NUFIP2: variants seen among roughly 807,000 people sequenced by gnomAD.
The protein encoded by NUFIP2 is FMR1-interacting protein NUFIP2.
A neutral mutation model predicts 56.9 loss-of-function variants in NUFIP2; 6 were observed. That is an observed-to-expected ratio of 0.11 (90% CI 0.06 to 0.21). NUFIP2 has a LOEUF of 0.21. NUFIP2 is among the 10% of genes least tolerant of loss of function. The pLI, the probability that NUFIP2 is intolerant of heterozygous loss-of-function variation, is 1.00. For synonymous variants in NUFIP2, 321 were observed against 298.2 expected (o/e 1.08, Z -0.79); for missense variants, 828 against 826.8 (o/e 1.00, Z -0.02).
intron 1 of NUFIP2, among the ~76,000 whole-genome samples, chr17:29,291,897 T>G (rs2069216036): frequency 6.6e-6 from 1 of 152,132 alleles, no homozygotes; most frequent in Non-Finnish European, 1.5e-5. Context: ...AATCTGACAT[T>G]CTAATTTCAG....
In NUFIP2 at chr17:29,286,550, G is replaced by C. The variant is rs1281213733; in HGVS notation, c.1444C>G (p.Leu482Val). ...FIYPSNMQTMLLSTAQVDLPS... is the reference protein window; with the variant it reads ...FIYPSNMQTMVLSTAQVDLPS... ...AGATCCACTTGTGCTGTGCTCAACAGCATAGTTTGCATATTTGAAGGATAG... is the reference window on the plus strand; with the variant it reads ...AGATCCACTTGTGCTGTGCTCAACACCATAGTTTGCATATTTGAAGGATAG... Residue 482 changes from leucine (L) to valine (V), a missense_variant, in exon 2 of 4, where the codon CTG becomes GTG. Transcript: ENST00000225388. 6.2e-7 allele frequency: 1 copy of C among 1,614,148 alleles called. No individual in the cohort carries two copies. The highest frequency in any genetic ancestry group is 1.6e-4 in the Middle Eastern group (1 of 6,062).
intron 2 of NUFIP2, among the ~76,000 whole-genome samples, chr17:29,273,964 G>C (rs1438141698): frequency 3.3e-5 from 5 of 151,858 alleles, no homozygotes; most frequent in Admixed American, 3.3e-4. Context: ...CTACTCACCA[G>C]CTCAGGGTAT....
At position 29,261,713 on chromosome 17, in the gene NUFIP2, T is replaced by G. The variant is rs1475055748; in HGVS notation, c.*2826A>C. 6.6e-6 allele frequency: 1 copy of G among 152,552 alleles called. No homozygotes were observed. Among genetic ancestry groups the G allele is most frequent in the African/African-American group, 2.4e-5 (1 of 41,424 alleles). 9.4% of individuals were successfully genotyped at this position (152,552 alleles called of 1,614,324 possible). On this transcript the variant is annotated 3_prime_UTR_variant, in exon 4 of 4. Transcript: ENST00000225388. The stretch of plus-strand genomic sequence containing the variant: ...AAAGATTGCAACAAATAGAGTTAAG[T>G]GTTACCAAACAGCACAAAGAGATTT...
In NUFIP2 at chr17:29,260,375, C is replaced by T. The variant is rs569426779; in HGVS notation, c.*4164G>A. The T allele has an allele frequency of 1.3e-5, 2 of 152,274 alleles. No individual in the cohort carries two copies. Among genetic ancestry groups the T allele is most frequent in the South Asian group, 4.2e-4 (2 of 4,818 alleles). 9.4% of individuals were successfully genotyped at this position (152,274 alleles called of 1,614,324 possible). A position where few individuals can be genotyped will look rare whatever the true frequency, so the allele number is the denominator to read the frequency against. On this transcript the variant is annotated 3_prime_UTR_variant, in exon 4 of 4. Coordinates refer to ENST00000225388, the MANE Select transcript of NUFIP2 (RefSeq NM_020772.3). ...GTTCTGCACAGTTAACATATTTATA[C>T]AAGAGGGATCAGCTGTTGTTGAGGA...
In NUFIP2 at chr17:29,260,643, G is replaced by A. The variant is rs1254205359; in HGVS notation, c.*3896C>T. 6.6e-6 allele frequency: 1 copy of A among 152,112 alleles called. No individual in the cohort carries two copies. Among genetic ancestry groups the A allele is most frequent in the Non-Finnish European group, 1.5e-5 (1 of 68,000 alleles). 9.4% of individuals were successfully genotyped at this position (152,112 alleles called of 1,614,324 possible). ...TGCCTCTGATGTGGGGAAGCAACAA[G>A]CCTAACAACCAAGTATGATATTATC... On this transcript the variant is annotated 3_prime_UTR_variant, in exon 4 of 4. Transcript: ENST00000225388.
chr17:29,277,186 G>A (rs974826377), intron 2 of NUFIP2, among the ~76,000 whole-genome samples: 3 of 151,882 alleles, frequency 2.0e-5, no homozygotes, highest in South Asian at 2.1e-4. Context: ...CACCATGCCC[G>A]GCTCATTTTT....
chr17:29,270,457 T>C (rs2069065260), intron 2 of NUFIP2, among the ~76,000 whole-genome samples: 1 of 152,134 alleles, frequency 6.6e-6, no homozygotes, highest in African/African-American at 2.4e-5. Flanking sequence ...ATCTTACGAA[T>C]TTCTGGATTT....
chr17:29,261,728 CAA>C lies in NUFIP2; in HGVS notation c.*2809_*2810del, dbSNP rs557889713. 5.2e-5 allele frequency: 8 copies of C among 152,572 alleles called. No individual in the cohort carries two copies. The highest frequency in any genetic ancestry group is 1.9e-4 in the African/African-American group (8 of 41,498). 9.5% of individuals were successfully genotyped at this position (152,572 alleles called of 1,614,324 possible). On this transcript the variant is annotated 3_prime_UTR_variant, in exon 4 of 4. Coordinates refer to ENST00000225388, the MANE Select transcript of NUFIP2 (RefSeq NM_020772.3). ...TAGAGTTAAGTGTTACCAAACAGCA[CAA>C]AGAGATTTGTCCCAAAGTCCTGCTT...
chr17:29,285,792 G>C (rs916748166), intron 2 of NUFIP2, among the ~76,000 whole-genome samples, 200 bp downstream of exon 2: 8 of 151,928 alleles, frequency 5.3e-5, no homozygotes, highest in African/African-American at 1.9e-4. Context: ...TTTTAAGTTG[G>C]AAAAGTGAAC....
At chr17:29,284,755 G>A (rs185852589) in intron 2 of NUFIP2, among the ~76,000 whole-genome samples, 5 of 150,284 alleles carry the variant, frequency 3.3e-5, no homozygotes, top group African/African-American at 2.4e-5. Flanking sequence ...AGTTATTAGC[G>A]TGAAACTTGA....
In NUFIP2 at chr17:29,284,929, T is replaced by A. The variant is rs551174453; in HGVS notation, c.2002+1063A>T. ...ACTCCAAGACTTATCAGTCTCCTCT[T>A]CAAAAACAGTGCTTCTACTCATTTT... On this transcript the variant is annotated intron_variant, in intron 2 of 3. Transcript: ENST00000225388. Among the ~76,000 whole-genome samples the A allele has an allele frequency of 3.9e-5, 6 of 152,190 alleles. No individual in the cohort carries two copies. In the East Asian group the frequency reaches 9.7e-4, roughly 24 times the overall value.
chr17:29,274,222 A>G lies in NUFIP2; in HGVS notation c.2003-6692T>C, dbSNP rs542497896. Among the ~76,000 whole-genome samples the G allele has an allele frequency of 1.9e-3, 295 of 152,318 alleles. 1 individual carries two copies. The highest frequency in any genetic ancestry group is 6.9e-3 in the African/African-American group (285 of 41,562). ...TTAATGAGGGCCTGTGGTGGTTCAC[A>G]CCTGTAATTGCAGCACTCTGGGAGG... On this transcript the variant is annotated intron_variant, in intron 2 of 3. Transcript: ENST00000225388.
At chr17:29,274,819 GAA>G (rs1454800314) in intron 2 of NUFIP2, among the ~76,000 whole-genome samples, 1 of 151,974 alleles carries the variant, frequency 6.6e-6, no homozygotes, top group African/African-American at 2.4e-5. Context: ...TAAATGTTAA[GAA>G]GAGATGAAGA....
chr17:29,282,641 C>T (rs1172280047), intron 2 of NUFIP2, among the ~76,000 whole-genome samples: 1 of 151,630 alleles, frequency 6.6e-6, no homozygotes, highest in Non-Finnish European at 1.5e-5. Context: ...AGTGACATAA[C>T]GCACTCTCTT....
chr17:29,290,671 A>G (rs545445228), intron 1 of NUFIP2, among the ~76,000 whole-genome samples: 244 of 131,342 alleles, frequency 1.9e-3, no homozygotes, highest in African/African-American at 6.6e-3. Context: ...AAAAAAAGAA[A>G]GAAAGAAAGA....
At chr17:29,264,966 G>A (rs1468897065) in intron 3 of NUFIP2, among the ~76,000 whole-genome samples, 2 of 152,174 alleles carry the variant, frequency 1.3e-5, no homozygotes, top group Admixed American at 6.5e-5. Context: ...GAAACACTTG[G>A]ATTTTTCTTT....
intron 1 of NUFIP2, 117 bp from the exon 2 acceptor site, chr17:29,287,833 TTA>T (rs2069187755): frequency 9.9e-7 from 1 of 1,015,202 alleles, no homozygotes; most frequent in Non-Finnish European, 1.4e-6. Context: ...AGCTGTAGCT[TTA>T]TATTATTTCA....
At chr17:29,289,799 GAACA>G (rs2069199647) in intron 1 of NUFIP2, among the ~76,000 whole-genome samples, 2 of 151,984 alleles carry the variant, frequency 1.3e-5, no homozygotes, top group Non-Finnish European at 2.9e-5. Flanking sequence ...TACTAAAACT[GAACA>G]AATAAAGGCA....
intron 1 of NUFIP2, among the ~76,000 whole-genome samples, chr17:29,292,503 G>T (rs2069220895): frequency 6.6e-6 from 1 of 151,284 alleles, no homozygotes; most frequent in South Asian, 2.1e-4. Flanking sequence ...GGCAGGAGAC[G>T]AGGTTCCTGT....
Sources: gnomAD v4.1 joint callset for allele counts (sites outside exome capture counted in the v4.1 genomes callset) on GRCh38, gnomAD v4.1.1 for gene constraint, MANE v1.5 for transcripts, NCBI Gene and HGNC (gene_info 2026-07-23, HGNC 2026-07-21) for gene names.